The following PAPPA2 variants were observed in gnomAD, a reference collection of about 807,000 sequenced individuals.
PAPPA2 encodes pappalysin-2.
In PAPPA2, 86 loss-of-function variants were observed where a neutral mutation model predicts 176.4. That is an observed-to-expected ratio of 0.49 (90% confidence interval 0.41 to 0.58). The LOEUF (loss-of-function observed/expected upper bound fraction) is 0.58, where lower values mean the gene tolerates loss of function less well. Ranked by LOEUF, PAPPA2 falls within the 20% of genes least tolerant of loss-of-function variation. The probability of loss-of-function intolerance (pLI) is 0.00; values close to 1 mark genes in which losing one functional copy is unlikely to be tolerated. For missense variants in PAPPA2, 2,073 were observed against 2,256.9 expected, an observed-to-expected ratio of 0.92 and a Z score of 1.65; for synonymous variants, 809 against 852.2, an observed-to-expected ratio of 0.95 and a Z score of 0.88.
At chr1:176,572,613 C>T (rs1308491887) in intron 2 of PAPPA2, among the ~76,000 whole-genome samples, 6 of 152,124 alleles carry the variant, frequency 3.9e-5, no homozygotes, top group East Asian at 1.9e-4. Flanking sequence ...TTTGTGACCA[C>T]ATGGTAGAGA....
chr1:176,740,374 G>T (rs1662621662), intron 14 of PAPPA2, among the ~76,000 whole-genome samples, 178 bp downstream of exon 14: 1 of 152,084 alleles, frequency 6.6e-6, no homozygotes, highest in Non-Finnish European at 1.5e-5. Context: ...GCATACTTGG[G>T]TTTTATATTT....
At chr1:176,660,191 C>T (rs1658279700) in intron 3 of PAPPA2, among the ~76,000 whole-genome samples, 1 of 152,048 alleles carries the variant, frequency 6.6e-6, no homozygotes, top group Non-Finnish European at 1.5e-5. Context: ...AGTGTTTGTG[C>T]CTAGGATTGC....
Position 176,691,095 on chromosome 1 carries a change from T to A in PAPPA2, c.2431+665T>A, listed in dbSNP as rs569926051. On this transcript the variant is annotated intron_variant, in intron 5 of 22. Transcript: ENST00000367662. Reference sequence around the variant, plus strand: ...TGCCTTAATTCAGCTTCTGTATTATTCTTCGCTGTCTCTCACGCCTTCCTT... The same window carrying A: ...TGCCTTAATTCAGCTTCTGTATTATACTTCGCTGTCTCTCACGCCTTCCTT... 11 of 985,254 alleles carry A rather than the reference T, an allele frequency of 1.1e-5. No homozygotes were observed. The Admixed American group carries it at 3.1e-4, about 27-fold the overall frequency. 61.0% of individuals were successfully genotyped at this position (985,254 alleles called of 1,614,324 possible). A position where few individuals can be genotyped will look rare whatever the true frequency, so the allele number is the denominator to read the frequency against.
At chr1:176,521,200 C>T (rs1370419803) in intron 1 of PAPPA2, among the ~76,000 whole-genome samples, 6 of 151,890 alleles carry the variant, frequency 4.0e-5, no homozygotes, top group Admixed American at 1.3e-4. Context: ...TCCATTCTTC[C>T]CATTAAGAAG....
chr1:176,649,967 G>C (rs1331030840), intron 3 of PAPPA2, among the ~76,000 whole-genome samples: 1 of 151,508 alleles, frequency 6.6e-6, no homozygotes, highest in Non-Finnish European at 1.5e-5. Flanking sequence ...TTTCTGTCTG[G>C]ATAATCTGTC....
At chr1:176,622,076 G>A (rs1313633802) in intron 3 of PAPPA2, among the ~76,000 whole-genome samples, 1 of 152,044 alleles carries the variant, frequency 6.6e-6, no homozygotes, top group Non-Finnish European at 1.5e-5. Context: ...TGAATTGGGA[G>A]TTGTTGCTTG....
intron 21 of PAPPA2, among the ~76,000 whole-genome samples, chr1:176,806,156 T>C (rs1260068051): frequency 6.6e-6 from 1 of 152,162 alleles, no homozygotes; most frequent in South Asian, 2.1e-4. Flanking sequence ...TTCCAATAAC[T>C]CTGTCTGAGC....
chr1:176,523,069 T>C (rs1352291274), intron 1 of PAPPA2, among the ~76,000 whole-genome samples: 2 of 152,096 alleles, frequency 1.3e-5, no homozygotes, highest in African/African-American at 4.8e-5. Context: ...TGCGCTTGCT[T>C]CTCTGTGGGC....
chr1:176,701,044 A>C (rs1558529219), intron 8 of PAPPA2, among the ~76,000 whole-genome samples: 1 of 123,818 alleles, frequency 8.1e-6, no homozygotes, highest in Non-Finnish European at 1.7e-5. Context: ...TGCTACACAC[A>C]CACACATACA....
chr1:176,551,639 C>T (rs1650957235), intron 1 of PAPPA2, among the ~76,000 whole-genome samples: 1 of 152,152 alleles, frequency 6.6e-6, no homozygotes, highest in African/African-American at 2.4e-5. Flanking sequence ...AACTGACCAG[C>T]CCCACTATGG....
intron 12 of PAPPA2, among the ~76,000 whole-genome samples, 191 bp from the exon 13 acceptor site, chr1:176,739,435 A>G (rs1571253818): frequency 6.6e-6 from 1 of 152,166 alleles, no homozygotes; most frequent in Non-Finnish European, 1.5e-5. Flanking sequence ...TCTTCTTTCC[A>G]TTTGATCTTG....
chr1:176,824,693 G>A (rs182001628), intron 21 of PAPPA2, among the ~76,000 whole-genome samples: 42 of 152,156 alleles, frequency 2.8e-4, no homozygotes, highest in African/African-American at 1.0e-3. Flanking sequence ...CACCTCTATC[G>A]CTCATTCCCC....
intron 1 of PAPPA2, among the ~76,000 whole-genome samples, chr1:176,530,683 A>G (rs1160474207): frequency 6.6e-6 from 1 of 152,152 alleles, no homozygotes; most frequent in African/African-American, 2.4e-5. Context: ...AAACAGCAAC[A>G]TCCACCAAAT....
chr1:176,767,524 T>A (rs538673078), intron 15 of PAPPA2, among the ~76,000 whole-genome samples: 31 of 152,272 alleles, frequency 2.0e-4, no homozygotes, highest in Non-Finnish European at 7.4e-5. Flanking sequence ...ATTTTTGTAT[T>A]TTTAGTAGAG....
intron 21 of PAPPA2, among the ~76,000 whole-genome samples, chr1:176,809,180 G>A (rs1666036450): frequency 6.6e-6 from 1 of 152,072 alleles, no homozygotes; most frequent in Non-Finnish European, 1.5e-5. Context: ...GTAAATCTAG[G>A]ACTCCATGGA....
chr1:176,579,536 A>G (rs987222428), intron 2 of PAPPA2, among the ~76,000 whole-genome samples: 3 of 152,128 alleles, frequency 2.0e-5, no homozygotes, highest in African/African-American at 7.2e-5. Context: ...CCTGGTGTGG[A>G]TGTCAGTCTA....
At chr1:176,731,537 C>G (rs1662142251) in intron 12 of PAPPA2, among the ~76,000 whole-genome samples, 1 of 151,930 alleles carries the variant, frequency 6.6e-6, no homozygotes, top group Non-Finnish European at 1.5e-5. Context: ...GTCTCAAACT[C>G]CTGACCTCAA....
At chr1:176,546,183 C>T (rs1033105310) in intron 1 of PAPPA2, among the ~76,000 whole-genome samples, 6 of 152,190 alleles carry the variant, frequency 3.9e-5, no homozygotes, top group African/African-American at 1.4e-4. Flanking sequence ...TCCTGGACAG[C>T]TGGAGAAACA....
intron 14 of PAPPA2, among the ~76,000 whole-genome samples, chr1:176,744,477 C>A (rs10913246): frequency 1.3e-5 from 2 of 151,962 alleles, no homozygotes; most frequent in Non-Finnish European, 2.9e-5. Flanking sequence ...GACTCAGTAG[C>A]ATTTTACCTT....
Sources: gnomAD v4.1 joint callset for allele counts (sites outside exome capture counted in the v4.1 genomes callset) on GRCh38, gnomAD v4.1.1 for gene constraint, MANE v1.5 for transcripts, NCBI Gene and HGNC (gene_info 2026-07-23, HGNC 2026-07-21) for gene names.